The following EBF1 variants were observed in gnomAD, a reference collection of about 807,000 sequenced individuals.
EBF1 encodes the protein EBF transcription factor 1.
A neutral mutation model predicts 68.4 loss-of-function variants in EBF1; 10 were observed. The ratio of observed to expected loss-of-function variants is 0.15; its 90% confidence interval spans 0.09 to 0.25. The LOEUF is 0.25. EBF1 is among the 10% of genes least tolerant of loss of function. The pLI, the probability that EBF1 is intolerant of heterozygous loss-of-function variation, is 1.00. For synonymous variants in EBF1, 298 were observed against 299.8 expected (o/e 0.99, Z 0.06); for missense variants, 509 against 794.4 (o/e 0.64, Z 4.32).
In EBF1 at chr5:158,697,573, G is replaced by T; in HGVS notation, c.*1538C>A. 4.9e-6 allele frequency: 1 copy of T among 205,210 alleles called. No individual in the cohort carries two copies. The highest frequency in any genetic ancestry group is 7.4e-5 in the East Asian group (1 of 13,476). The allele number at this position is 205,210 out of a possible 1,614,324, so 12.7% of individuals were successfully genotyped here. ...GAAAGATAAATACATTATTTATATG[G>T]ATATTTTACAAAATCCCCTTTAAAA... is the stretch of plus-strand genomic sequence containing the variant. On this transcript the variant is annotated 3_prime_UTR_variant, in exon 16 of 16. Transcript: ENST00000313708.
At chr5:158,925,147 G>A (rs1306941804) in intron 6 of EBF1, among the ~76,000 whole-genome samples, 3 of 152,072 alleles carry the variant, frequency 2.0e-5, no homozygotes, top group African/African-American at 7.2e-5. Context: ...CAGCTGGGTC[G>A]CCTTTCTGGA....
chr5:158,825,631 GA>G (rs558494975), intron 7 of EBF1, among the ~76,000 whole-genome samples: 23 of 150,542 alleles, frequency 1.5e-4, no homozygotes, highest in Middle Eastern at 6.8e-3. Flanking sequence ...AACGGTTAAG[GA>G]AAAAAAAACT....
At chr5:158,701,297 T>C (rs1169738209) in intron 15 of EBF1, among the ~76,000 whole-genome samples, 1 of 151,872 alleles carries the variant, frequency 6.6e-6, no homozygotes, top group Admixed American at 6.6e-5. Flanking sequence ...GCTAATTTGG[T>C]TGGTGGGTCC....
intron 7 of EBF1, among the ~76,000 whole-genome samples, chr5:158,828,441 T>A (rs1011768137): frequency 2.6e-5 from 4 of 151,884 alleles, no homozygotes; most frequent in African/African-American, 9.7e-5. Context: ...AGAAGGTGAG[T>A]ATGATTACTA....
intron 6 of EBF1, among the ~76,000 whole-genome samples, chr5:158,935,499 C>T (rs540996549): frequency 6.6e-6 from 1 of 152,308 alleles, no homozygotes; most frequent in South Asian, 2.1e-4. Flanking sequence ...CTGCTGCAGA[C>T]TCACTGCATG....
At chr5:158,801,362 G>C (rs1041113842) in intron 8 of EBF1, among the ~76,000 whole-genome samples, 7 of 152,144 alleles carry the variant, frequency 4.6e-5, no homozygotes, top group African/African-American at 1.7e-4. Flanking sequence ...CTGCCTGTTT[G>C]AGGGCTTCTC....
At chr5:158,902,834 C>T (rs1369322727) in intron 6 of EBF1, among the ~76,000 whole-genome samples, 1 of 151,944 alleles carries the variant, frequency 6.6e-6, no homozygotes, top group Non-Finnish European at 1.5e-5. Flanking sequence ...AAAGAGCAGG[C>T]AAGGGTTCTA....
chr5:158,696,558 C>A lies in EBF1; in HGVS notation c.*2553G>T, dbSNP rs996955238. On this transcript the variant is annotated 3_prime_UTR_variant, in exon 16 of 16. Coordinates refer to ENST00000313708, the MANE Select transcript of EBF1 (RefSeq NM_024007.5). ...TAACTTGTGTACATCTTCAGGCCAG[C>A]GCTTACCACGCAAATTCAGATAACC... 1 of 223,652 alleles carries A rather than the reference C, an allele frequency of 4.5e-6. No homozygotes were observed. The highest frequency in any genetic ancestry group is 1.8e-4 in the South Asian group (1 of 5,438). 13.9% of individuals were successfully genotyped at this position (223,652 alleles called of 1,614,324 possible).
intron 6 of EBF1, among the ~76,000 whole-genome samples, chr5:158,859,799 A>G (rs1331105408): frequency 6.6e-6 from 1 of 152,264 alleles, no homozygotes; most frequent in Non-Finnish European, 1.5e-5. Flanking sequence ...CACATTGGCC[A>G]GAACAGCATT....
chr5:158,826,231 C>T (rs10515772), intron 7 of EBF1, among the ~76,000 whole-genome samples: 17,234 of 151,632 alleles, frequency 0.11, 1,288 homozygotes, highest in African/African-American at 0.21. Flanking sequence ...GATGAGAATA[C>T]GAAGGAAAAG....
chr5:158,977,198 C>T (rs1756945304), intron 6 of EBF1, among the ~76,000 whole-genome samples: 1 of 152,164 alleles, frequency 6.6e-6, no homozygotes, highest in African/African-American at 2.4e-5. Context: ...ACAGCCAGTT[C>T]CCCAATCCAC....
intron 9 of EBF1, among the ~76,000 whole-genome samples, chr5:158,788,925 A>C (rs1777998254): frequency 6.6e-6 from 1 of 152,210 alleles, no homozygotes; most frequent in South Asian, 2.1e-4. Context: ...AAGGCTTCTT[A>C]GGAATAAAGT....
chr5:158,880,192 G>C (rs974573551), intron 6 of EBF1, among the ~76,000 whole-genome samples: 8 of 152,162 alleles, frequency 5.3e-5, no homozygotes, highest in Non-Finnish European at 1.2e-4. Flanking sequence ...GGGAGGATGA[G>C]AAGATCCCAC....
At chr5:158,725,130 C>G (rs112763901) in intron 11 of EBF1, among the ~76,000 whole-genome samples, 2 of 152,188 alleles carry the variant, frequency 1.3e-5, no homozygotes, top group African/African-American at 4.8e-5. Flanking sequence ...GAAGGAGAAG[C>G]TACCGTGAGG....
intron 10 of EBF1, among the ~76,000 whole-genome samples, chr5:158,732,862 T>C (rs912739822): frequency 2.0e-5 from 3 of 152,178 alleles, no homozygotes; most frequent in Non-Finnish European, 4.4e-5. Flanking sequence ...AAATATGAGA[T>C]TTAGTTAACC....
At chr5:158,736,915 G>C (rs941056372) in intron 10 of EBF1, among the ~76,000 whole-genome samples, 4 of 152,160 alleles carry the variant, frequency 2.6e-5, no homozygotes, top group Non-Finnish European at 5.9e-5. Context: ...TTGTTCACGA[G>C]GAAATTTGTT....
chr5:158,722,547 A>G (rs1762143876), intron 11 of EBF1, among the ~76,000 whole-genome samples: 3 of 152,344 alleles, frequency 2.0e-5, no homozygotes, highest in African/African-American at 7.2e-5. Context: ...GACGTATACT[A>G]TAGGGAAACT....
chr5:159,083,916 T>C (rs924052498), intron 5 of EBF1, among the ~76,000 whole-genome samples: 11 of 152,264 alleles, frequency 7.2e-5, no homozygotes, highest in African/African-American at 2.7e-4. Flanking sequence ...GGCTGTTCCC[T>C]GGCCTACTCC....
At chr5:158,890,358 A>G (rs1800930518) in intron 6 of EBF1, among the ~76,000 whole-genome samples, 1 of 152,246 alleles carries the variant, frequency 6.6e-6, no homozygotes, top group South Asian at 2.1e-4. Flanking sequence ...TTCATTTAAC[A>G]GCCCTTATCC....
Sources: gnomAD v4.1 joint callset for allele counts (sites outside exome capture counted in the v4.1 genomes callset) on GRCh38, gnomAD v4.1.1 for gene constraint, MANE v1.5 for transcripts, NCBI Gene and HGNC (gene_info 2026-07-23, HGNC 2026-07-21) for gene names.